Variants in PHF24 observed in about 807,000 individuals in gnomAD.
The protein encoded by PHF24 is Galpha inhibitory interacting protein.
In PHF24, 25 loss-of-function variants were observed where a neutral mutation model predicts 42.6. That is an observed-to-expected ratio of 0.59 (90% CI 0.43 to 0.82). PHF24 has a LOEUF of 0.82. Ranked by LOEUF, PHF24 falls within the 40% of genes least tolerant of loss-of-function variation. The pLI is 0.00. For missense variants in PHF24, 470 were observed against 538.1 expected (o/e 0.87, Z 1.25); for synonymous variants, 185 against 204.8 (o/e 0.90, Z 0.83).
chr9:34,912,470 A>G, the PHF24 span, among the ~76,000 whole-genome samples: 4 of 152,294 alleles, frequency 2.6e-5, no homozygotes, highest in African/African-American at 7.2e-5. Context: ...TTCCATGTGC[A>G]TTGTCACAAG....
chr9:34,726,846 G>T, the PHF24 span: 1 of 1,551,784 alleles, frequency 6.4e-7, no homozygotes, highest in Non-Finnish European at 8.7e-7. Flanking sequence ...CCCTGCAATG[G>T]CCCCGATAAA....
At chr9:34,786,678 G>C in the PHF24 span, among the ~76,000 whole-genome samples, 1 of 152,140 alleles carries the variant, frequency 6.6e-6, no homozygotes, top group Non-Finnish European at 1.5e-5. Flanking sequence ...AAACTTGTTG[G>C]TCATTTTCCT....
the PHF24 span, among the ~76,000 whole-genome samples, chr9:34,788,941 A>G: frequency 1.3e-5 from 2 of 152,200 alleles, no homozygotes; most frequent in African/African-American, 2.4e-5. Flanking sequence ...GAGCAAGGGG[A>G]AAAATGTCCT....
At chr9:34,867,841 C>A in the PHF24 span, among the ~76,000 whole-genome samples, 1 of 152,290 alleles carries the variant, frequency 6.6e-6, no homozygotes, top group East Asian at 1.9e-4. Flanking sequence ...CAATTGTCAA[C>A]CACTCTGAAA....
chr9:34,828,617 C>G, the PHF24 span, among the ~76,000 whole-genome samples: 2 of 152,202 alleles, frequency 1.3e-5, no homozygotes, highest in South Asian at 2.1e-4. Flanking sequence ...ATCTGTTTTT[C>G]TTAATGTCAC....
the PHF24 span, among the ~76,000 whole-genome samples, chr9:34,707,134 G>A: frequency 6.6e-6 from 1 of 152,206 alleles, no homozygotes; most frequent in Non-Finnish European, 1.5e-5. Flanking sequence ...GTCTGTGATG[G>A]GGCAAGTGAC....
At chr9:34,958,139 G>GGGCGC (rs540130531), upstream of PHF24, among the ~76,000 whole-genome samples, 669 of 148,318 alleles carry the variant, frequency 4.5e-3, 2 homozygotes, top group African/African-American at 0.016. The surrounding 1 kb of genome is among the most constrained non-coding windows in gnomAD (Gnocchi z 4.5). Context: ...GGGCGGGGCG[G>GGGCGC]GGCGCGCCCA....
At chr9:34,700,209 C>T in the PHF24 span, among the ~76,000 whole-genome samples, 5,644 of 152,128 alleles carry the variant, frequency 0.037, 122 homozygotes, top group African/African-American at 0.063. Context: ...TGTTATATTC[C>T]GCGGAGTGAG....
chr9:34,709,850 TC>T, the PHF24 span: 4 of 1,614,218 alleles, frequency 2.5e-6, no homozygotes, highest in Non-Finnish European at 3.4e-6. Context: ...GCGGGAATCT[TC>T]CTTTGGCTGT....
At chr9:34,869,096 A>G in the PHF24 span, among the ~76,000 whole-genome samples, 3 of 152,170 alleles carry the variant, frequency 2.0e-5, no homozygotes, top group African/African-American at 7.2e-5. Context: ...ATTCCTTTTT[A>G]TGGTTGCATA....
At chr9:34,736,596 C>T in the PHF24 span, among the ~76,000 whole-genome samples, 6 of 152,232 alleles carry the variant, frequency 3.9e-5, no homozygotes, top group African/African-American at 7.2e-5. Context: ...CATAAGCCAA[C>T]ATGCCTGGCT....
Position 34,958,940 on chromosome 9 carries a change from C to A in PHF24, c.-5+539C>A, listed in dbSNP as rs963597120. ...CGGCTCCAAGGACTTTGGCCTCCAC[C>A]GGGATCCCTGTAGGGTTCCATGTGC... On this transcript the variant is annotated intron_variant, in intron 1 of 7. Transcript: ENST00000242315. The surrounding 1 kb of genome is among the most constrained non-coding windows in gnomAD (Gnocchi z 4.5). 6.6e-6 allele frequency among the ~76,000 whole-genome samples: 1 copy of A among 152,222 alleles called. No homozygotes were observed. Among genetic ancestry groups the A allele is most frequent in the South Asian group, 2.1e-4 (1 of 4,830 alleles).
the PHF24 span, among the ~76,000 whole-genome samples, chr9:34,699,264 A>G: frequency 2.0e-5 from 3 of 152,242 alleles, no homozygotes; most frequent in Non-Finnish European, 4.4e-5. Flanking sequence ...CTCTACAAAC[A>G]GTTAACAGAG....
At chr9:34,854,721 G>C in the PHF24 span, among the ~76,000 whole-genome samples, 1 of 152,190 alleles carries the variant, frequency 6.6e-6, no homozygotes, top group Non-Finnish European at 1.5e-5. Flanking sequence ...TAGAGTAGGT[G>C]CCATGTGGCA....
chr9:34,711,540 T>C, the PHF24 span, among the ~76,000 whole-genome samples: 2 of 145,130 alleles, frequency 1.4e-5, no homozygotes, highest in African/African-American at 5.3e-5. Flanking sequence ...GCAATGTTGT[T>C]ACTTTTTTTT....
chr9:34,790,047 T>C, the PHF24 span, among the ~76,000 whole-genome samples: 1 of 152,154 alleles, frequency 6.6e-6, no homozygotes, highest in Non-Finnish European at 1.5e-5. Context: ...AGGGTCTCAC[T>C]ATATTGCCCA....
chr9:34,963,890 G>A (rs73645443), intron 1 of PHF24, among the ~76,000 whole-genome samples: 60 of 152,162 alleles, frequency 3.9e-4, no homozygotes, highest in African/African-American at 1.4e-3. Flanking sequence ...ATTAGTCTCT[G>A]GCCAATTTGA....
At chr9:34,784,102 G>C in the PHF24 span, among the ~76,000 whole-genome samples, 1 of 152,174 alleles carries the variant, frequency 6.6e-6, no homozygotes, top group Non-Finnish European at 1.5e-5. Context: ...TAATCTCCCT[G>C]CATGGCTGGC....
the PHF24 span, among the ~76,000 whole-genome samples, chr9:34,731,756 C>T: frequency 6.6e-6 from 1 of 152,120 alleles, no homozygotes; most frequent in African/African-American, 2.4e-5. Context: ...TATAGGAGTG[C>T]AGATATCTCT....
Sources: allele counts gnomAD v4.1 joint callset (sites outside exome capture counted in the v4.1 genomes callset), GRCh38; gene constraint gnomAD v4.1.1; non-coding constraint Gnocchi (gnomAD v3.1); transcripts MANE v1.5; gene names NCBI Gene and HGNC (gene_info 2026-07-23, HGNC 2026-07-21).